Variants in KDM6A observed in about 807,000 individuals in gnomAD.
The protein encoded by KDM6A is lysine demethylase 6A.
A neutral mutation model predicts 117.6 loss-of-function variants in KDM6A; 11 were observed. The observed-to-expected ratio is 0.09, with a 90% CI of 0.06 to 0.15. The LOEUF is 0.15. Among genes scored for constraint, KDM6A ranks in the 10% least tolerant of loss-of-function variants. KDM6A has a pLI of 1.00. For synonymous variants in KDM6A, 384 were observed against 396.1 expected (o/e 0.97, Z 0.36); for missense variants, 799 against 1,077.3 (o/e 0.74, Z 3.62).
At chrX:44,983,786 A>G (rs1482627871) in intron 4 of KDM6A, among the ~76,000 whole-genome samples, 2 of 110,651 alleles carry the variant, frequency 1.8e-5, no homozygotes, top group Admixed American at 1.9e-4. Flanking sequence ...TGTATGTGCC[A>G]CATTTTCTTA....
intron 4 of KDM6A, among the ~76,000 whole-genome samples, chrX:44,997,452 C>A (rs1262300467): frequency 9.0e-6 from 1 of 111,585 alleles, no homozygotes; most frequent in Admixed American, 9.5e-5. Flanking sequence ...AACATCCTCT[C>A]GATGTCCAGC....
intron 9 of KDM6A, among the ~76,000 whole-genome samples, chrX:45,053,157 G>A (rs183892314): frequency 3.6e-5 from 4 of 111,716 alleles, no homozygotes; most frequent in Non-Finnish European, 7.5e-5. Flanking sequence ...TAATTGGCTC[G>A]GTGTGGTGGC....
chrX:45,042,860 A>G (rs765888376), intron 8 of KDM6A, among the ~76,000 whole-genome samples: 14 of 112,732 alleles, frequency 1.2e-4, no homozygotes, highest in African/African-American at 4.5e-4. Context: ...CTGTCCCGAC[A>G]TTACCTTCAC....
chrX:44,905,188 ACATT>A (rs1262668881), intron 2 of KDM6A, among the ~76,000 whole-genome samples: 1 of 112,358 alleles, frequency 8.9e-6, no homozygotes, highest in Non-Finnish European at 1.9e-5. Flanking sequence ...CATACTACAT[ACATT>A]AACAGTGTTG....
intron 2 of KDM6A, among the ~76,000 whole-genome samples, chrX:44,881,447 CA>C (rs1433029615): frequency 3.6e-5 from 4 of 111,524 alleles, no homozygotes; most frequent in Non-Finnish European, 7.5e-5. Flanking sequence ...CAAAAAACAA[CA>C]AAAAAACTGT....
At chrX:44,943,654 T>C (rs964430898) in intron 2 of KDM6A, among the ~76,000 whole-genome samples, 1 of 112,338 alleles carries the variant, frequency 8.9e-6, no homozygotes, top group African/African-American at 3.2e-5. Flanking sequence ...AGTATTCCAT[T>C]GTATAGATGT....
In KDM6A at chrX:44,993,503, C is replaced by A. The variant is rs1183045252; in HGVS notation, c.385-17458C>A. 3.6e-5 allele frequency among the ~76,000 whole-genome samples: 4 copies of A among 110,875 alleles called. No homozygotes were observed. The East Asian group carries it at 1.1e-3, about 32-fold the overall frequency. On this transcript the variant is annotated intron_variant, in intron 4 of 29. Coordinates refer to ENST00000611820, the MANE Select transcript of KDM6A (RefSeq NM_001291415.2). ...GGGATTACAGGTGTGAGCCACTGCA[C>A]CCAGCTTCTTACTGAATTTTCACTG...
intron 2 of KDM6A, among the ~76,000 whole-genome samples, chrX:44,949,004 A>G (rs994174628): frequency 1.4e-4 from 16 of 112,409 alleles, no homozygotes; most frequent in Non-Finnish European, 3.0e-4. Context: ...TAACTGTTCA[A>G]TAAAATGCTA....
chrX:44,876,919 A>C (rs187555071), intron 2 of KDM6A, among the ~76,000 whole-genome samples: 1 of 111,519 alleles, frequency 9.0e-6, no homozygotes, highest in African/African-American at 3.3e-5. Context: ...ACGTATACAC[A>C]CATATACATA....
chrX:44,886,459 A>G (rs1469517371), intron 2 of KDM6A, among the ~76,000 whole-genome samples: 1 of 108,420 alleles, frequency 9.2e-6, no homozygotes. Context: ...GTGAATGTGT[A>G]TAGAAGTAGC....
chrX:44,890,894 T>G (rs1178087162), intron 2 of KDM6A, among the ~76,000 whole-genome samples: 1 of 110,218 alleles, frequency 9.1e-6, no homozygotes. Context: ...CCTCAGGTGA[T>G]CTGCTTTCCA....
intron 17 of KDM6A, among the ~76,000 whole-genome samples, chrX:45,067,648 TTTTTG>T (rs1308134747): frequency 2.1e-5 from 2 of 96,236 alleles, no homozygotes; most frequent in African/African-American, 1.0e-4. Flanking sequence ...GTGTATCTTT[TTTTTG>T]TTTTTTTTTT....
chrX:45,052,811 C>T (rs2043912832), intron 9 of KDM6A, among the ~76,000 whole-genome samples: 1 of 111,310 alleles, frequency 9.0e-6, no homozygotes, highest in Non-Finnish European at 1.9e-5. Context: ...CACCTCAGCC[C>T]CCCGAGTAGC....
chrX:45,009,116 A>G (rs1023592806), intron 4 of KDM6A, among the ~76,000 whole-genome samples: 2 of 112,332 alleles, frequency 1.8e-5, no homozygotes, highest in African/African-American at 6.5e-5. Flanking sequence ...CACGCAAGAA[A>G]GAATTCGAGG....
intron 4 of KDM6A, among the ~76,000 whole-genome samples, chrX:44,985,266 G>C (rs757583511): frequency 8.0e-5 from 9 of 112,091 alleles, no homozygotes; most frequent in African/African-American, 2.9e-4. Context: ...TTTGTATCCT[G>C]AGACTTTGCT....
At chrX:44,963,487 C>G (rs867644075) in intron 3 of KDM6A, among the ~76,000 whole-genome samples, 979 of 26,426 alleles carry the variant, frequency 0.037, 5 homozygotes, top group Non-Finnish European at 0.05. Context: ...GTGTGTGTGT[C>G]TGTCTGTCTG....
intron 2 of KDM6A, among the ~76,000 whole-genome samples, chrX:44,889,343 TGTGA>T (rs1472292960): frequency 8.9e-6 from 1 of 112,464 alleles, no homozygotes; most frequent in Non-Finnish European, 1.9e-5. Context: ...GATTTTGCTG[TGTGA>T]GTGTGTCTGT....
intron 6 of KDM6A, 79 bp from the exon 7 acceptor site, chrX:45,034,852 A>G (rs969733523): frequency 9.1e-6 from 7 of 766,428 alleles, no homozygotes; most frequent in Non-Finnish European, 1.4e-5. Flanking sequence ...TTTAGACCTT[A>G]CATACCTGAA....
At chrX:44,886,752 A>G (rs1307627653) in intron 2 of KDM6A, among the ~76,000 whole-genome samples, 1 of 109,577 alleles carries the variant, frequency 9.1e-6, no homozygotes, top group Non-Finnish European at 1.9e-5. Flanking sequence ...CTGCCTCCCA[A>G]AGTGCTGAGA....
Sources: allele counts gnomAD v4.1 joint callset (sites outside exome capture counted in the v4.1 genomes callset), GRCh38; gene constraint gnomAD v4.1.1; transcripts MANE v1.5; gene names NCBI Gene and HGNC (gene_info 2026-07-23, HGNC 2026-07-21).